Variants in XPR1 observed in about 807,000 individuals in gnomAD.
The protein encoded by XPR1 is xenotropic and polytropic retrovirus receptor 1, also known as solute carrier family 53 member 1.
In XPR1, 28 loss-of-function variants were observed where a neutral mutation model predicts 87.5. That is an observed-to-expected ratio of 0.32 (90% CI 0.24 to 0.44). The LOEUF (loss-of-function observed/expected upper bound fraction) is 0.44. Among genes scored for constraint, XPR1 ranks in the 20% least tolerant of loss-of-function variants. The probability of loss-of-function intolerance (pLI) is 1.00; values close to 1 mark genes in which losing one functional copy is unlikely to be tolerated. For synonymous variants in XPR1, 300 were observed against 306.1 expected, an observed-to-expected ratio of 0.98 and a Z score of 0.21; for missense variants, 559 against 862.3, an observed-to-expected ratio of 0.65 and a Z score of 4.41.
intron 6 of XPR1, among the ~76,000 whole-genome samples, chr1:180,809,858 T>G (rs1650145802): frequency 6.6e-6 from 1 of 152,206 alleles, no homozygotes; most frequent in Non-Finnish European, 1.5e-5. Flanking sequence ...AAAGGTAACT[T>G]TTTATCTTTG....
chr1:180,674,282 G>A (rs563947495), intron 1 of XPR1, among the ~76,000 whole-genome samples: 38 of 152,210 alleles, frequency 2.5e-4, no homozygotes, highest in Middle Eastern at 3.4e-3. Flanking sequence ...TTTTTGAGAG[G>A]GAGTCTCGCT....
intron 2 of XPR1, among the ~76,000 whole-genome samples, chr1:180,775,899 T>A (rs1364734576): frequency 2.0e-5 from 3 of 152,198 alleles, no homozygotes; most frequent in Non-Finnish European, 4.4e-5. Flanking sequence ...TATGTACTAA[T>A]TCCTGAAATT....
chr1:180,876,762 TACAAAAAC>T (rs1652676388), intron 13 of XPR1, among the ~76,000 whole-genome samples: 1 of 152,070 alleles, frequency 6.6e-6, no homozygotes, highest in Non-Finnish European at 1.5e-5. Context: ...AAATGTTTTC[TACAAAAAC>T]ACAATCAAGA....
In XPR1 at chr1:180,676,077, C is replaced by T. The variant is rs1049338221; in HGVS notation, c.70-6283C>T. 1.1e-4 allele frequency among the ~76,000 whole-genome samples: 16 copies of T among 152,204 alleles called. No individual in the cohort carries two copies. In the South Asian group the frequency reaches 1.2e-3, roughly 12 times the overall value. ...CAGAATGAAGACTCGTCATTTTTCT[C>T]CTTATAAAATTCAAATTCATCATCT... On this transcript the variant is annotated intron_variant, in intron 1 of 14. Coordinates refer to ENST00000367590, the MANE Select transcript of XPR1 (RefSeq NM_004736.4).
chr1:180,651,611 G>A (rs1286000286), intron 1 of XPR1, among the ~76,000 whole-genome samples: 1 of 152,136 alleles, frequency 6.6e-6, no homozygotes, highest in African/African-American at 2.4e-5. Flanking sequence ...AAATACAATA[G>A]TATTTTATTA....
At chr1:180,809,879 A>G (rs1650146071) in intron 6 of XPR1, among the ~76,000 whole-genome samples, 1 of 152,198 alleles carries the variant, frequency 6.6e-6, no homozygotes, top group Non-Finnish European at 1.5e-5. Context: ...GAAAAGACAA[A>G]TGACCATCTT....
chr1:180,692,777 A>G (rs1409925157), intron 2 of XPR1, among the ~76,000 whole-genome samples: 3 of 152,192 alleles, frequency 2.0e-5, no homozygotes, highest in Non-Finnish European at 2.9e-5. Flanking sequence ...GCTCATTGTT[A>G]TGACGTTAGA....
intron 7 of XPR1, 64 bp from the exon 8 acceptor site, chr1:180,824,689 A>G: frequency 7.1e-7 from 1 of 1,398,930 alleles, no homozygotes; most frequent in Non-Finnish European, 9.8e-7. Flanking sequence ...ATGAAGACAA[A>G]AGATTATTAA....
intron 1 of XPR1, among the ~76,000 whole-genome samples, chr1:180,657,687 C>T (rs929308719): frequency 6.6e-6 from 1 of 152,160 alleles, no homozygotes; most frequent in African/African-American, 2.4e-5. Flanking sequence ...ATTTTGGTCA[C>T]TATAGCTCTG....
chr1:180,866,590 C>T (rs1394448673), intron 12 of XPR1, among the ~76,000 whole-genome samples: 1 of 152,088 alleles, frequency 6.6e-6, no homozygotes, highest in African/African-American at 2.4e-5. Context: ...AATTGCAGTT[C>T]TTCAGTTAAG....
At chr1:180,837,083 A>G (rs1651319480) in intron 11 of XPR1, among the ~76,000 whole-genome samples, 1 of 152,182 alleles carries the variant, frequency 6.6e-6, no homozygotes, top group African/African-American at 2.4e-5. Context: ...TGTGGCAATC[A>G]AGTATATTTT....
chr1:180,875,942 GATGA>G (rs1278406347), intron 13 of XPR1, among the ~76,000 whole-genome samples: 1 of 151,974 alleles, frequency 6.6e-6, no homozygotes, highest in African/African-American at 2.4e-5. Flanking sequence ...TAAAAATTTA[GATGA>G]ATGGACAAAT....
intron 7 of XPR1, among the ~76,000 whole-genome samples, chr1:180,824,117 T>A (rs1650737846): frequency 6.6e-6 from 1 of 152,196 alleles, no homozygotes; most frequent in Non-Finnish European, 1.5e-5. Flanking sequence ...ATGACAGAAC[T>A]GATCACATGA....
chr1:180,677,626 T>C (rs1380151004), intron 1 of XPR1, among the ~76,000 whole-genome samples: 1 of 152,186 alleles, frequency 6.6e-6, no homozygotes, highest in Non-Finnish European at 1.5e-5. Flanking sequence ...GTTCAGAATC[T>C]TGCAGCCTCC....
At position 180,751,651 on chromosome 1, in the gene XPR1, C is replaced by T. The variant is rs149006147; in HGVS notation, c.122-36102C>T. Among the ~76,000 whole-genome samples, 340 of 152,166 alleles carry T rather than the reference C, an allele frequency of 2.2e-3. 3 individuals carry two copies. Among genetic ancestry groups the T allele is most frequent in the African/African-American group, 7.9e-3 (327 of 41,548 alleles). On this transcript the variant is annotated intron_variant, in intron 2 of 14. Coordinates refer to ENST00000367590, the MANE Select transcript of XPR1 (RefSeq NM_004736.4). Reference sequence around the variant, plus strand: ...AAAGGGAATTCAAACCTACTGATAGCATTTAAAATTTTTGTTTCTTCTTCC... The same window carrying T: ...AAAGGGAATTCAAACCTACTGATAGTATTTAAAATTTTTGTTTCTTCTTCC...
chr1:180,683,891 A>T (rs944277307), intron 2 of XPR1, among the ~76,000 whole-genome samples: 36 of 151,364 alleles, frequency 2.4e-4, no homozygotes, highest in Non-Finnish European at 4.6e-4. Context: ...GGTTGCAAAA[A>T]TTTTCTCCCA....
chr1:180,772,340 T>A (rs765134810), intron 2 of XPR1, among the ~76,000 whole-genome samples: 2 of 152,172 alleles, frequency 1.3e-5, no homozygotes, highest in Non-Finnish European at 2.9e-5. Flanking sequence ...GGAAATCAAC[T>A]TCGTCTCCTA....
At chr1:180,638,091 G>A (rs185293463) in intron 1 of XPR1, among the ~76,000 whole-genome samples, 206 of 151,858 alleles carry the variant, frequency 1.4e-3, no homozygotes, top group African/African-American at 4.7e-3. Context: ...TTTTTTTAAT[G>A]AAGATTAAAA....
intron 14 of XPR1, among the ~76,000 whole-genome samples, chr1:180,882,028 G>A (rs1652864697): frequency 6.6e-6 from 1 of 152,190 alleles, no homozygotes; most frequent in Admixed American, 6.5e-5. Context: ...CAAAGGGCTG[G>A]AAGAAAATGC....
Sources: allele counts gnomAD v4.1 joint callset (sites outside exome capture counted in the v4.1 genomes callset), GRCh38; gene constraint gnomAD v4.1.1; transcripts MANE v1.5; gene names NCBI Gene and HGNC (gene_info 2026-07-23, HGNC 2026-07-21).